Variants in GULP1 observed in about 807,000 individuals in gnomAD.
GULP1 encodes PTB domain-containing engulfment adapter protein 1.
A neutral mutation model predicts 40.9 loss-of-function variants in GULP1; 19 were observed. The observed-to-expected ratio is 0.46, with a 90% CI of 0.32 to 0.68. The LOEUF is 0.68. Among genes scored for constraint, GULP1 ranks in the 30% least tolerant of loss-of-function variants. The probability of loss-of-function intolerance (pLI) is 0.03; values close to 1 mark genes in which losing one functional copy is unlikely to be tolerated. For synonymous variants in GULP1, 119 were observed against 117.6 expected (o/e 1.01, Z -0.08); for missense variants, 312 against 362.2 (o/e 0.86, Z 1.12).
chr2:188,330,874 GC>G (rs1379570451), intron 1 of GULP1, among the ~76,000 whole-genome samples: 20 of 152,246 alleles, frequency 1.3e-4, no homozygotes, highest in Admixed American at 6.5e-4. Context: ...TGCCAAAGAT[GC>G]CTGGGTCCTT....
At chr2:188,563,655 A>T (rs1696910863) in intron 7 of GULP1, among the ~76,000 whole-genome samples, 2 of 151,330 alleles carry the variant, frequency 1.3e-5, no homozygotes, top group Non-Finnish European at 3.0e-5. Flanking sequence ...CTTTTTGACA[A>T]GTGAAATACC....
chr2:188,584,300 C>A lies in GULP1; in HGVS notation c.645C>A (p.Asp215Glu). 1 of 1,608,728 alleles carries A rather than the reference C, an allele frequency of 6.2e-7. No homozygotes were observed. The highest frequency in any genetic ancestry group is 8.5e-7 in the Non-Finnish European group (1 of 1,175,380). Residue 215 changes from aspartate to glutamate, a missense_variant, in exon 10 of 12, where the codon GAC becomes GAA. Physicochemically the swap from Asp to Glu is conservative, Grantham distance 45. Transcript: ENST00000409830. ...TGACACCTAAGTCGCCCTCCACTGA[C>A]ATCTTTGATATGATTCCATTTTCTC... The part of the protein sequence containing the change: ...GSMTPKSPST[D>E]IFDMIPFSPI...
intron 9 of GULP1, 133 bp downstream of exon 9, chr2:188,570,253 T>A: frequency 1.8e-6 from 1 of 545,408 alleles, no homozygotes; most frequent in Non-Finnish European, 3.3e-6. Flanking sequence ...AGATGAAGGC[T>A]GCTAAGCAGT....
At chr2:188,313,232 C>G (rs747095148) in intron 1 of GULP1, among the ~76,000 whole-genome samples, 2 of 152,084 alleles carry the variant, frequency 1.3e-5, no homozygotes, top group Non-Finnish European at 2.9e-5. Flanking sequence ...AGGTTTTCTC[C>G]TAGGGTTTTT....
intron 2 of GULP1, among the ~76,000 whole-genome samples, chr2:188,426,696 C>T (rs1021313231): frequency 6.6e-6 from 1 of 152,106 alleles, no homozygotes; most frequent in African/African-American, 2.4e-5. Context: ...TTGTTCTTAA[C>T]CTCAAAAATG....
chr2:188,507,396 CTTTT>C (rs5837091), intron 4 of GULP1, among the ~76,000 whole-genome samples: 12 of 103,526 alleles, frequency 1.2e-4, no homozygotes, highest in Admixed American at 2.1e-4. Flanking sequence ...CATTTGTTTT[CTTTT>C]TTTTTTTTTT....
intron 1 of GULP1, among the ~76,000 whole-genome samples, chr2:188,306,009 C>G (rs1381609599): frequency 6.6e-6 from 1 of 152,150 alleles, no homozygotes; most frequent in Non-Finnish European, 1.5e-5. Flanking sequence ...AATTCCTGAC[C>G]TCAAGTGATC....
At chr2:188,568,393 T>C (rs920942995) in intron 7 of GULP1, among the ~76,000 whole-genome samples, 1 of 152,196 alleles carries the variant, frequency 6.6e-6, no homozygotes, top group Non-Finnish European at 1.5e-5. Flanking sequence ...ATCTTTAGTC[T>C]TTACTATGTG....
chr2:188,494,377 A>C (rs946481145), intron 4 of GULP1, among the ~76,000 whole-genome samples: 26 of 152,176 alleles, frequency 1.7e-4, no homozygotes, highest in African/African-American at 6.0e-4. Flanking sequence ...ATGATGAAAC[A>C]GCGGATTTTT....
chr2:188,490,045 T>C (rs1018441872), intron 4 of GULP1, among the ~76,000 whole-genome samples: 7 of 152,154 alleles, frequency 4.6e-5, no homozygotes, highest in African/African-American at 1.7e-4. Context: ...CTAGAAATTA[T>C]TGAATAGGAA....
At chr2:188,325,896 C>G (rs935887619) in intron 1 of GULP1, among the ~76,000 whole-genome samples, 2 of 152,118 alleles carry the variant, frequency 1.3e-5, no homozygotes, top group Non-Finnish European at 2.9e-5. Flanking sequence ...GCCTCTGAAC[C>G]AATGCTTTTG....
chr2:188,328,958 A>G (rs1001924396), intron 1 of GULP1, among the ~76,000 whole-genome samples: 9 of 152,176 alleles, frequency 5.9e-5, no homozygotes, highest in African/African-American at 2.2e-4. Flanking sequence ...CGGATCAAAC[A>G]TCATGAATCA....
chr2:188,300,572 A>G (rs2035961143), intron 1 of GULP1, among the ~76,000 whole-genome samples: 1 of 152,184 alleles, frequency 6.6e-6, no homozygotes, highest in South Asian at 2.1e-4. Flanking sequence ...GGGACCTATA[A>G]TTAAAACATA....
chr2:188,390,824 C>T (rs2050420613), intron 2 of GULP1, among the ~76,000 whole-genome samples: 1 of 151,910 alleles, frequency 6.6e-6, no homozygotes, highest in Non-Finnish European at 1.5e-5. Context: ...CAGTTTCACT[C>T]TTCTACATGT....
intron 7 of GULP1, among the ~76,000 whole-genome samples, chr2:188,545,932 A>G (rs1575960163): frequency 6.6e-6 from 1 of 151,946 alleles, no homozygotes; most frequent in African/African-American, 2.4e-5. Context: ...AGCAGTAGTA[A>G]CTATATTTAC....
intron 9 of GULP1, among the ~76,000 whole-genome samples, chr2:188,577,772 A>G (rs991847920): frequency 6.6e-6 from 1 of 152,094 alleles, no homozygotes; most frequent in African/African-American, 2.4e-5. Context: ...CTTCTGCTGT[A>G]AGTTCTAAAT....
rs1013603921 is a variant in GULP1, at chr2:188,483,369, G to A, written c.29-62G>A. On this transcript the variant is annotated intron_variant, in intron 3 of 11. Transcript: ENST00000409830. ...TGTGTCCTAAATTACCATACAAATGGTAATGCGTGAATATGACACCATGGA... is the reference window on the plus strand; with the variant it reads ...TGTGTCCTAAATTACCATACAAATGATAATGCGTGAATATGACACCATGGA... 123 of 739,594 alleles carry A rather than the reference G, an allele frequency of 1.7e-4. No individual in the cohort carries two copies. In the African/African-American group the frequency reaches 2.1e-3, roughly 12 times the overall value. 45.8% of individuals were successfully genotyped at this position (739,594 alleles called of 1,614,324 possible).
At chr2:188,349,584 G>A (rs1196821431) in intron 1 of GULP1, among the ~76,000 whole-genome samples, 1 of 152,028 alleles carries the variant, frequency 6.6e-6, no homozygotes, top group African/African-American at 2.4e-5. Flanking sequence ...GTTTTTAATT[G>A]AGTTGTCTTT....
rs138410171 is a variant in GULP1, at chr2:188,497,746, C to T, written c.90+14254C>T. On this transcript the variant is annotated intron_variant, in intron 4 of 11. Transcript: ENST00000409830. Reference sequence around the variant, plus strand: ...ACAGAGATTACACAAAGCTGATAGTCGAAAGAACAGACAGACCCTTTGGAT... The same window carrying T: ...ACAGAGATTACACAAAGCTGATAGTTGAAAGAACAGACAGACCCTTTGGAT... 2.6e-5 allele frequency among the ~76,000 whole-genome samples: 4 copies of T among 151,768 alleles called. No individual in the cohort carries two copies. In the East Asian group the frequency reaches 7.8e-4, roughly 29 times the overall value.
Sources: gnomAD v4.1 joint callset for allele counts (sites outside exome capture counted in the v4.1 genomes callset) on GRCh38, gnomAD v4.1.1 for gene constraint, MANE v1.5 for transcripts, NCBI Gene and HGNC (gene_info 2026-07-23, HGNC 2026-07-21) for gene names.